Variants in FN1 observed in about 807,000 individuals in gnomAD.
FN1 encodes fibronectin.
FN1 carries 106 observed loss-of-function variants against 297.3 expected under a neutral mutation model. That is an observed-to-expected ratio of 0.36 (90% CI 0.30 to 0.42). FN1 has a LOEUF of 0.42. Among genes scored for constraint, FN1 ranks in the 10% least tolerant of loss-of-function variants. The pLI, the probability that FN1 is intolerant of heterozygous loss-of-function variation, is 1.00. For missense variants in FN1, 2,690 were observed against 3,124.9 expected (o/e 0.86, Z 3.32); for synonymous variants, 1,149 against 1,152.6 (o/e 1.00, Z 0.06).
chr2:215,382,233 G>A lies in FN1; in HGVS notation c.5143C>T (p.Leu1715=). 6.2e-7 allele frequency: 1 copy of A among 1,613,460 alleles called. No homozygotes were observed. The part of the protein sequence containing the change: ...AQNPSGESQP[L]VQTAVTNIDR... ...GTACTGGTTACTGCAGTCTGAACCA[G>A]AGGCTGACTCTCTCCGCTTGGATTC... Residue 1715 remains leucine (L), a synonymous_variant, in exon 32 of 46, where the codon CTG becomes TTG. Coordinates refer to ENST00000354785, the MANE Select transcript of FN1 (RefSeq NM_212482.4).
intron 13 of FN1, 63 bp from the exon 14 acceptor site, chr2:215,410,177 A>C (rs1436017810): frequency 6.7e-7 from 1 of 1,486,220 alleles, no homozygotes; most frequent in African/African-American, 1.4e-5. Context: ...GAACATTTGA[A>C]GATGATGTTC....
At chr2:215,415,354 A>G (rs2063295399) in intron 12 of FN1, among the ~76,000 whole-genome samples, 1 of 152,208 alleles carries the variant, frequency 6.6e-6, no homozygotes, top group African/African-American at 2.4e-5. Context: ...CTTTTAAAGC[A>G]AATTCTAATT....
At chr2:215,387,287 G>T (rs1192956628) in intron 27 of FN1, among the ~76,000 whole-genome samples, 1 of 152,108 alleles carries the variant, frequency 6.6e-6, no homozygotes, top group Non-Finnish European at 1.5e-5. Context: ...TCTGAGAATT[G>T]ACATTTTCAA....
At chr2:215,377,006 G>A (rs190354593) in intron 35 of FN1, among the ~76,000 whole-genome samples, 93 of 151,564 alleles carry the variant, frequency 6.1e-4, no homozygotes, top group Middle Eastern at 6.8e-3. Flanking sequence ...AATATGTGTG[G>A]TAGGAGTTAC....
In FN1 at chr2:215,388,214, G is replaced by A; in HGVS notation, c.4340C>T (p.Thr1447Ile). 1 of 1,611,552 alleles carries A rather than the reference G, an allele frequency of 6.2e-7. No homozygotes were observed. The highest frequency in any genetic ancestry group is 1.1e-5 in the South Asian group (1 of 91,034). Reference protein sequence around the residue: ...ESTPLRGRQKTGLDSPTGIDF... With the variant: ...ESTPLRGRQKIGLDSPTGIDF... ...GTCATACTGCCAACACCACTCACCT[G>A]TTTTCTGTCTTCCTCTAAGAGGTGT... Residue 1447 changes from threonine (T) to isoleucine (I), a missense_variant and splice_region_variant, in exon 27 of 46, where the codon ACA becomes ATA. Around this residue, in one of 3 missense-constraint regions of FN1, gnomAD observed 1,743 missense variants for 1,945.2 expected, o/e 0.90. Transcript: ENST00000354785.
chr2:215,394,569 T>C lies in FN1; in HGVS notation c.3755A>G (p.Asp1252Gly), dbSNP rs2060082090. The change falls in exon 24 of 46, where the codon GAT (aspartate) becomes GGT (glycine). Residue 1252 changes from aspartate to glycine, a missense_variant. This residue lies in a region of FN1 where 1,743 missense variants were observed against 1,945.2 expected (regional missense o/e 0.90). Coordinates refer to ENST00000354785, the MANE Select transcript of FN1 (RefSeq NM_212482.4). ...AGAGATAGGGACACTTTCCTTGTCATCCTTGACAGTGTAAACACTGACATT... is the reference window on the plus strand; with the variant it reads ...AGAGATAGGGACACTTTCCTTGTCACCCTTGACAGTGTAAACACTGACATT... ...EYNVSVYTVKDDKESVPISDT... is the reference protein window; with the variant it reads ...EYNVSVYTVKGDKESVPISDT... 1 of 1,614,000 alleles carries C rather than the reference T, an allele frequency of 6.2e-7. No homozygotes were observed. Among genetic ancestry groups the C allele is most frequent in the South Asian group, 1.1e-5 (1 of 91,084 alleles).
At chr2:215,403,582 G>A (rs1370574202) in intron 20 of FN1, among the ~76,000 whole-genome samples, 1 of 152,172 alleles carries the variant, frequency 6.6e-6, no homozygotes, top group Non-Finnish European at 1.5e-5. Context: ...TAGAAATAAG[G>A]AGTCTCATAA....
intron 13 of FN1, among the ~76,000 whole-genome samples, chr2:215,413,707 T>C (rs1448599887): frequency 6.6e-6 from 1 of 152,248 alleles, no homozygotes; most frequent in Non-Finnish European, 1.5e-5. Context: ...TTCCTTCATA[T>C]TTCACTCTTG....
intron 11 of FN1, 53 bp from the exon 12 acceptor site, chr2:215,419,438 A>G: frequency 6.7e-7 from 1 of 1,489,728 alleles, no homozygotes; most frequent in Non-Finnish European, 9.4e-7. Flanking sequence ...ATAACTACGA[A>G]TTTAATTTCA....
intron 20 of FN1, among the ~76,000 whole-genome samples, chr2:215,399,883 G>A (rs896070380): frequency 6.6e-6 from 1 of 152,128 alleles, no homozygotes; most frequent in African/African-American, 2.4e-5. Flanking sequence ...TATAGAAGGT[G>A]ATCTAAAAAC....
In FN1 at chr2:215,379,145, A is replaced by C; in HGVS notation, c.5607T>G (p.Val1869=). The C allele has an allele frequency of 6.2e-7, 1 of 1,614,150 alleles. No individual in the cohort carries two copies. Among genetic ancestry groups the C allele is most frequent in the South Asian group, 1.1e-5 (1 of 91,086 alleles). The change falls in exon 34 of 46, where the codon GTT becomes GTG. Residue 1869 remains valine (V), a synonymous_variant. Coordinates refer to ENST00000354785, the MANE Select transcript of FN1 (RefSeq NM_212482.4). The part of the protein sequence containing the change: ...INLAPDSSSV[V]VSGLMVATKY... ...CATGTCTTACCATAAGTCCTGATAC[A>C]ACCACGGATGAGCTGTCAGGAGCAA...
intron 12 of FN1, among the ~76,000 whole-genome samples, chr2:215,415,463 G>A (rs753041643): frequency 6.6e-6 from 1 of 152,058 alleles, no homozygotes; most frequent in Admixed American, 6.5e-5. Context: ...TTCTAAATGG[G>A]GGTAGAATCT....
In FN1 at chr2:215,401,259, A is replaced by AAAGAAAGAAAGGAAGGAAGG. The variant is rs1187788957; in HGVS notation, c.3254-1909_3254-1908insCCTTCCTTCCTTTCTTTCTT. 6.1e-5 allele frequency among the ~76,000 whole-genome samples: 5 copies of AAAGAAAGAAAGGAAGGAAGG among 81,748 alleles called. 1 individual carries two copies. The highest frequency in any genetic ancestry group is 9.8e-5 in the Non-Finnish European group (4 of 40,972). 53.6% of individuals were successfully genotyped at this position (81,748 alleles called of 152,430 possible). A position where few individuals can be genotyped will look rare whatever the true frequency, so the allele number is the denominator to read the frequency against. ...GAAAGAAAGAAAGAAAGGAAGAAAG[A>AAAGAAAGAAAGGAAGGAAGG]AAGGAAGGAAAGGAAAGGAAAGGAA... On this transcript the variant is annotated intron_variant, in intron 20 of 45. Coordinates refer to ENST00000354785, the MANE Select transcript of FN1 (RefSeq NM_212482.4).
intron 29 of FN1, 80 bp downstream of exon 29, chr2:215,384,780 T>C (rs2105972269): frequency 1.0e-6 from 1 of 1,000,364 alleles, no homozygotes; most frequent in East Asian, 2.4e-5. Context: ...CTTTAATTCT[T>C]TGTTCACTGT....
At chr2:215,432,336 C>A (rs1575895447) in intron 3 of FN1, among the ~76,000 whole-genome samples, 2 of 152,172 alleles carry the variant, frequency 1.3e-5, no homozygotes, top group African/African-American at 4.8e-5. Flanking sequence ...ACATCAGGCA[C>A]AGCACTCCAG....
Position 215,380,400 on chromosome 2 carries a change from G to A in FN1, c.5434+411C>T, listed in dbSNP as rs191923502. 5.5e-5 allele frequency: 12 copies of A among 219,232 alleles called. No individual in the cohort carries two copies. In the East Asian group the frequency reaches 1.1e-3, roughly 21 times the overall value. 13.6% of individuals were successfully genotyped at this position (219,232 alleles called of 1,614,324 possible). A position where few individuals can be genotyped will look rare whatever the true frequency, so the allele number is the denominator to read the frequency against. On this transcript the variant is annotated intron_variant, in intron 33 of 45. Transcript: ENST00000354785. ...TATGATATCTAACCAGAGAAGAAAGGTCTTACCCACGTGTGCTCAGAATCA... is the reference window on the plus strand; with the variant it reads ...TATGATATCTAACCAGAGAAGAAAGATCTTACCCACGTGTGCTCAGAATCA...
At chr2:215,391,105 A>T (rs761267817) in intron 26 of FN1, among the ~76,000 whole-genome samples, 3 of 152,186 alleles carry the variant, frequency 2.0e-5, no homozygotes, top group Non-Finnish European at 4.4e-5. Flanking sequence ...GTCTTCTGAG[A>T]AATCCTTCTA....
chr2:215,383,712 A>T (rs1290057189), intron 30 of FN1, among the ~76,000 whole-genome samples: 6 of 152,216 alleles, frequency 3.9e-5, no homozygotes, highest in African/African-American at 1.2e-4. Flanking sequence ...ACATTCCACA[A>T]GCAGGTGTCT....
intron 26 of FN1, among the ~76,000 whole-genome samples, chr2:215,388,984 C>T (rs1196152264): frequency 6.6e-6 from 1 of 152,118 alleles, no homozygotes; most frequent in Non-Finnish European, 1.5e-5. Flanking sequence ...AATAATTAAC[C>T]TTTACTGGAA....
Sources: gnomAD v4.1 joint callset for allele counts (sites outside exome capture counted in the v4.1 genomes callset) on GRCh38, gnomAD v4.1.1 for gene constraint, gnomAD v4.1.1 regional missense constraint, MANE v1.5 for transcripts, NCBI Gene and HGNC (gene_info 2026-07-23, HGNC 2026-07-21) for gene names.